The following PCDHA11 variants were observed in gnomAD, a reference collection of about 807,000 sequenced individuals.
PCDHA11 encodes the protein protocadherin alpha 11, also known as protocadherin alpha-11.
In PCDHA11, 61 loss-of-function variants were observed where a neutral mutation model predicts 70.3. That is an observed-to-expected ratio of 0.87 (90% CI 0.71 to 1.07). The LOEUF (loss-of-function observed/expected upper bound fraction) is 1.07, where lower values mean the gene tolerates loss of function less well. Among genes scored for constraint, PCDHA11 ranks in the 50% least tolerant of loss-of-function variants. The pLI, the probability that PCDHA11 is intolerant of heterozygous loss-of-function variation, is 0.00. For missense variants in PCDHA11, 1,324 were observed against 1,237.5 expected (o/e 1.07, Z -1.05); for synonymous variants, 633 against 555.1 (o/e 1.14, Z -1.97).
chr5:141,000,972 CT>C (rs2097980392), intron 3 of PCDHA11, among the ~76,000 whole-genome samples: 1 of 151,780 alleles, frequency 6.6e-6, no homozygotes, highest in Non-Finnish European at 1.5e-5. Context: ...CTTCATATTC[CT>C]TTTTTATAAA....
chr5:140,941,403 G>A lies in PCDHA11; in HGVS notation c.2392-37546G>A, dbSNP rs527986544. Among the ~76,000 whole-genome samples, 769 of 142,382 alleles carry A rather than the reference G, an allele frequency of 5.4e-3. 3 individuals carry two copies. The highest frequency in any genetic ancestry group is 0.019 in the African/African-American group (737 of 38,338). The allele number at this position is 142,382 out of a possible 152,430, so 93.4% of individuals were successfully genotyped here. On this transcript the variant is annotated intron_variant, in intron 1 of 3. Coordinates refer to ENST00000398640, the MANE Select transcript of PCDHA11 (RefSeq NM_018902.5). ...AGGATTTTGGCTCACTGCAACCTCC[G>A]CCTCCCGGGTTCAAGCAATTCTCTG...
intron 1 of PCDHA11, chr5:140,928,060 T>C: frequency 6.2e-7 from 1 of 1,614,204 alleles, no homozygotes; most frequent in Non-Finnish European, 8.5e-7. Flanking sequence ...GCTGACGGCT[T>C]CCTTTGACAA....
At chr5:140,943,356 A>G (rs965090658) in intron 1 of PCDHA11, among the ~76,000 whole-genome samples, 2 of 152,014 alleles carry the variant, frequency 1.3e-5, no homozygotes, top group Non-Finnish European at 2.9e-5. Flanking sequence ...GAGTAGAGGA[A>G]AGGAGATCAT....
At chr5:140,897,258 G>A (rs1008292814) in intron 1 of PCDHA11, among the ~76,000 whole-genome samples, 1 of 151,682 alleles carries the variant, frequency 6.6e-6, no homozygotes, top group African/African-American at 2.4e-5. Flanking sequence ...ATGTATACAT[G>A]TGCCATGCTG....
At chr5:140,901,284 G>T (rs868936344) in intron 1 of PCDHA11, among the ~76,000 whole-genome samples, 1 of 152,046 alleles carries the variant, frequency 6.6e-6, no homozygotes, top group Admixed American at 6.6e-5. Flanking sequence ...AGAAATTTTT[G>T]CCCAGACTGA....
chr5:140,950,671 A>G (rs1222424193), intron 1 of PCDHA11, among the ~76,000 whole-genome samples: 2 of 152,074 alleles, frequency 1.3e-5, no homozygotes, highest in Non-Finnish European at 2.9e-5. Context: ...TCAAACATGT[A>G]CATGTATATT....
intron 1 of PCDHA11, chr5:140,969,232 C>A (rs138367129): frequency 1.9e-4 from 314 of 1,614,066 alleles, no homozygotes; most frequent in Non-Finnish European, 2.5e-4. Flanking sequence ...CTTCGGGAGC[C>A]CAAGCAGCAG....
At chr5:140,944,809 A>G (rs2093698274) in intron 1 of PCDHA11, among the ~76,000 whole-genome samples, 1 of 152,220 alleles carries the variant, frequency 6.6e-6, no homozygotes, top group African/African-American at 2.4e-5. Flanking sequence ...GAGGGTCCAC[A>G]GTGATCTTTG....
chr5:140,927,420 G>A (rs782549245), intron 1 of PCDHA11: 5 of 1,614,108 alleles, frequency 3.1e-6, no homozygotes, highest in Non-Finnish European at 4.2e-6. Flanking sequence ...TGGGATCGCG[G>A]GTTGACGGCA....
At chr5:140,888,544 C>T (rs1295573540) in intron 1 of PCDHA11, among the ~76,000 whole-genome samples, 1 of 152,140 alleles carries the variant, frequency 6.6e-6, no homozygotes, top group Non-Finnish European at 1.5e-5. Flanking sequence ...TGCTCAGTAC[C>T]AATTTATTCC....
chr5:140,889,032 AT>A (rs1357652460), intron 1 of PCDHA11, among the ~76,000 whole-genome samples: 12 of 152,198 alleles, frequency 7.9e-5, no homozygotes, highest in South Asian at 6.2e-4. Context: ...GATAACCGTA[AT>A]TTGATTATAA....
chr5:140,929,484 T>C, intron 1 of PCDHA11: 1 of 1,156,262 alleles, frequency 8.6e-7, no homozygotes, highest in Non-Finnish European at 1.2e-6. Context: ...AGTATAGAAG[T>C]ATTAGAAGAT....
intron 1 of PCDHA11, among the ~76,000 whole-genome samples, chr5:140,971,300 A>T (rs555201828): frequency 2.0e-5 from 3 of 152,380 alleles, no homozygotes; most frequent in African/African-American, 7.2e-5. Flanking sequence ...ACTTTGGTAC[A>T]CAAACATTTA....
intron 1 of PCDHA11, among the ~76,000 whole-genome samples, chr5:140,901,744 A>G (rs781984509): frequency 1.3e-5 from 2 of 152,144 alleles, no homozygotes; most frequent in Non-Finnish European, 2.9e-5. Context: ...AAGAATGTCC[A>G]TGGTATTTTG....
intron 3 of PCDHA11, among the ~76,000 whole-genome samples, chr5:140,992,102 G>A (rs1205417295): frequency 6.6e-6 from 1 of 150,914 alleles, no homozygotes; most frequent in Non-Finnish European, 1.5e-5. Context: ...AGAGAATTAA[G>A]GTGAGATGTG....
chr5:140,966,427 C>T (rs2096001144), intron 1 of PCDHA11: 1 of 421,646 alleles, frequency 2.4e-6, no homozygotes, highest in African/African-American at 2.1e-5. Context: ...CTTGCTGAGC[C>T]CTCCTACCGC....
chr5:140,951,252 A>AT (rs1488592252), intron 1 of PCDHA11, among the ~76,000 whole-genome samples: 16 of 151,738 alleles, frequency 1.1e-4, no homozygotes, highest in Admixed American at 1.1e-3. Context: ...AATGCATCAC[A>AT]TTTTTCTGGT....
At chr5:140,912,648 A>G (rs1161381718) in intron 1 of PCDHA11, among the ~76,000 whole-genome samples, 1 of 152,164 alleles carries the variant, frequency 6.6e-6, no homozygotes, top group African/African-American at 2.4e-5. Flanking sequence ...TATGTTGAAT[A>G]GAAGTGGTGA....
chr5:140,992,847 A>G (rs183404145), intron 3 of PCDHA11, among the ~76,000 whole-genome samples: 1 of 152,264 alleles, frequency 6.6e-6, no homozygotes, highest in East Asian at 1.9e-4. Flanking sequence ...TTGTATAACA[A>G]CCAGTTTCAC....
Sources: gnomAD v4.1 joint callset for allele counts (sites outside exome capture counted in the v4.1 genomes callset) on GRCh38, gnomAD v4.1.1 for gene constraint, MANE v1.5 for transcripts, NCBI Gene and HGNC (gene_info 2026-07-23, HGNC 2026-07-21) for gene names.